ADCY5: variants seen among roughly 807,000 people sequenced by gnomAD.
The protein encoded by ADCY5 is adenylate cyclase type 5.
ADCY5 carries 30 observed loss-of-function variants against 119.7 expected under a neutral mutation model. The ratio of observed to expected loss-of-function variants is 0.25; its 90% CI spans 0.19 to 0.34. ADCY5 has a LOEUF of 0.34. Ranked by LOEUF, ADCY5 falls within the 10% of genes least tolerant of loss-of-function variation. The pLI is 1.00. For synonymous variants in ADCY5, 753 were observed against 762.2 expected, an observed-to-expected ratio of 0.99 and a Z score of 0.20; for missense variants, 1,324 against 1,775.2, an observed-to-expected ratio of 0.75 and a Z score of 4.57.
At chr3:123,439,426 T>C (rs1013654885) in intron 1 of ADCY5, among the ~76,000 whole-genome samples, 7 of 151,832 alleles carry the variant, frequency 4.6e-5, no homozygotes, top group Non-Finnish European at 8.8e-5. Context: ...AAAAAAATCA[T>C]ACGCTGAGGT....
chr3:123,342,326 A>G (rs1942330068), intron 3 of ADCY5, among the ~76,000 whole-genome samples: 1 of 152,224 alleles, frequency 6.6e-6, no homozygotes, highest in South Asian at 2.1e-4. Context: ...AACCTGGGGA[A>G]TGCAGCCAAG....
At chr3:123,320,793 A>G in intron 8 of ADCY5, 22 bp from the exon 9 acceptor site, 1 of 1,558,592 alleles carries the variant, frequency 6.4e-7, no homozygotes, top group Non-Finnish European at 8.8e-7. Context: ...GGATAGAAAG[A>G]GAAAGAGAAG....
At chr3:123,428,060 C>T (rs1001740028) in intron 1 of ADCY5, among the ~76,000 whole-genome samples, 1 of 152,166 alleles carries the variant, frequency 6.6e-6, no homozygotes, top group Admixed American at 6.5e-5. Context: ...GGACAGGGAC[C>T]CATGTCTGAA....
chr3:123,364,833 C>A (rs1258551617), intron 1 of ADCY5, among the ~76,000 whole-genome samples: 3 of 151,878 alleles, frequency 2.0e-5, no homozygotes, highest in East Asian at 3.9e-4. Context: ...CCATTTATTT[C>A]TTTTACTTCC....
chr3:123,286,832 A>G lies in ADCY5; in HGVS notation c.3533-23T>C, dbSNP rs1488652825. 1.9e-6 allele frequency: 3 copies of G among 1,572,000 alleles called. No individual in the cohort carries two copies. In the Admixed American group the frequency reaches 5.6e-5, roughly 29 times the overall value. On this transcript the variant is annotated intron_variant, in intron 19 of 20. Transcript: ENST00000462833. This position sits in a 1 kb window ranked among gnomAD's most constrained non-coding sequence, Gnocchi z 4.2. ...GCCCTGCAGGGGACAGGAATCAGCC[A>G]CAGTCATCACATCTCTGGCTTGACC...
In ADCY5 at chr3:123,325,353, C is replaced by T. The variant is rs763097023; in HGVS notation, c.2057G>A (p.Gly686Asp). The change falls in exon 8 of 21, where the codon GGC becomes GAC. Residue 686 changes from glycine (G) to aspartate (D), a missense_variant. By Grantham distance (94) the Gly-to-Asp change is moderately conservative. Transcript: ENST00000462833. Reference protein sequence around the residue: ...AERPFYNHLGGNQVSKEMKRM... With the variant: ...AERPFYNHLGDNQVSKEMKRM... ...CTTCATCTCCTTGGACACCTGGTTG[C>T]CACCCAGGTGGTTGTAGAAGGGGCG... 2 of 1,614,104 alleles carry T rather than the reference C, an allele frequency of 1.2e-6. No homozygotes were observed. The highest frequency in any genetic ancestry group is 1.1e-5 in the South Asian group (1 of 91,078).
chr3:123,387,505 G>A (rs758222977), intron 1 of ADCY5, among the ~76,000 whole-genome samples: 2 of 152,138 alleles, frequency 1.3e-5, no homozygotes, highest in Non-Finnish European at 2.9e-5. Context: ...AAACTACAGA[G>A]TGCAAAGTAG....
In ADCY5 at chr3:123,448,563, CG is replaced by C; in HGVS notation, c.-19del. The C allele has an allele frequency of 7.9e-7, 1 of 1,262,730 alleles. No homozygotes were observed. The highest frequency in any genetic ancestry group is 9.9e-7 in the Non-Finnish European group (1 of 1,005,744). 78.2% of individuals were successfully genotyped at this position (1,262,730 alleles called of 1,614,324 possible). On this transcript the variant is annotated 5_prime_UTR_variant, in exon 1 of 21. Coordinates refer to ENST00000462833, the MANE Select transcript of ADCY5 (RefSeq NM_183357.3). ...CCGGACATCCCCCCCTCGGCCTCGT[CG>C]TCTCCTTCCTCCTCCCCCGGAAGCC... is the stretch of plus-strand genomic sequence containing the variant.
At chr3:123,370,206 G>C (rs1432877416) in intron 1 of ADCY5, among the ~76,000 whole-genome samples, 1 of 152,204 alleles carries the variant, frequency 6.6e-6, no homozygotes, top group African/African-American at 2.4e-5. Context: ...TATATTCTCA[G>C]TTTGAAGTCC....
At chr3:123,341,556 T>C (rs1039908081) in intron 3 of ADCY5, among the ~76,000 whole-genome samples, 7 of 152,080 alleles carry the variant, frequency 4.6e-5, no homozygotes, top group Admixed American at 4.6e-4. Flanking sequence ...AGATGGACGG[T>C]GGTGATGGTG....
At chr3:123,294,919 C>T (rs1444438259) in intron 17 of ADCY5, among the ~76,000 whole-genome samples, 1 of 152,064 alleles carries the variant, frequency 6.6e-6, no homozygotes. Flanking sequence ...GAAATGTTCC[C>T]AAAGAAGAGG....
At chr3:123,369,808 G>GC (rs1943571258) in intron 1 of ADCY5, among the ~76,000 whole-genome samples, 1 of 152,198 alleles carries the variant, frequency 6.6e-6, no homozygotes, top group South Asian at 2.1e-4. Flanking sequence ...TGACCAAACA[G>GC]CTCTCAGCTG....
chr3:123,365,260 A>G (rs1943392437), intron 1 of ADCY5, among the ~76,000 whole-genome samples: 1 of 152,204 alleles, frequency 6.6e-6, no homozygotes, highest in South Asian at 2.1e-4. Flanking sequence ...CCCAGCCTTC[A>G]TTTAATATTG....
Position 123,328,800 on chromosome 3 carries a change from A to T in ADCY5, c.1649T>A (p.Leu550Ter), listed in dbSNP as rs1553726943. 6.2e-7 allele frequency: 1 copy of T among 1,614,158 alleles called. No individual in the cohort carries two copies. Among genetic ancestry groups the T allele is most frequent in the Non-Finnish European group, 8.5e-7 (1 of 1,180,008 alleles). Residue 550 changes from leucine (L) to a stop codon, truncating the protein, a stop_gained and splice_region_variant, in exon 6 of 21, where the codon TTG (leucine) becomes TAG (stop). Transcript: ENST00000462833. LOFTEE classifies it high-confidence loss of function. The part of the protein sequence containing the change: ...MGMDMIEAIS[L>*]VREVTGVNVN... ...GTTCACCCCTGTCACCTCCCGGACC[A>T]ACCTGGGGATGGAGCAGGAGTAAAG...
At chr3:123,387,608 CAGCCCAGTCAT>C (rs1313664492) in intron 1 of ADCY5, among the ~76,000 whole-genome samples, 1 of 152,192 alleles carries the variant, frequency 6.6e-6, no homozygotes, top group South Asian at 2.1e-4. Flanking sequence ...TGACCCGGCC[CAGCCCAGTCAT>C]AGACAAACAT....
intron 1 of ADCY5, among the ~76,000 whole-genome samples, chr3:123,407,379 C>G (rs527762759): frequency 2.6e-5 from 4 of 152,176 alleles, no homozygotes; most frequent in African/African-American, 9.6e-5. Context: ...TGTGCTCTAG[C>G]TATAAAATGG....
At chr3:123,341,085 A>T (rs1942261847) in intron 3 of ADCY5, among the ~76,000 whole-genome samples, 2 of 152,154 alleles carry the variant, frequency 1.3e-5, no homozygotes, top group African/African-American at 4.8e-5. Context: ...AGATCATGCC[A>T]CTGTACTCCA....
At chr3:123,309,484 C>T (rs899844208) in intron 12 of ADCY5, among the ~76,000 whole-genome samples, 3 of 152,192 alleles carry the variant, frequency 2.0e-5, no homozygotes, top group African/African-American at 4.8e-5. Flanking sequence ...TAAATCCTAG[C>T]AGTAACCACT....
chr3:123,384,315 A>G (rs1328076119), intron 1 of ADCY5, among the ~76,000 whole-genome samples: 1 of 152,242 alleles, frequency 6.6e-6, no homozygotes, highest in African/African-American at 2.4e-5. Flanking sequence ...GACTTGGGTT[A>G]GACTTGAGGG....
Sources: gnomAD v4.1 joint callset for allele counts (sites outside exome capture counted in the v4.1 genomes callset) on GRCh38, gnomAD v4.1.1 for gene constraint, Gnocchi (gnomAD v3.1) non-coding constraint, MANE v1.5 for transcripts, NCBI Gene and HGNC (gene_info 2026-07-23, HGNC 2026-07-21) for gene names.